CKAP2: variants seen among roughly 807,000 people sequenced by gnomAD.
CKAP2 encodes the protein cytoskeleton-associated protein 2.
CKAP2 carries 46 observed loss-of-function variants against 58.4 expected under a neutral mutation model. The ratio of observed to expected loss-of-function variants is 0.79; its 90% confidence interval spans 0.62 to 1.01. The LOEUF is 1.01. Among genes scored for constraint, CKAP2 ranks in the 50% least tolerant of loss-of-function variants. The pLI is 0.00. For synonymous variants in CKAP2, 293 were observed against 280.9 expected (o/e 1.04, Z -0.43); for missense variants, 809 against 796.4 (o/e 1.02, Z -0.19).
Position 52,474,959 on chromosome 13 carries a change from C to A in CKAP2, c.1867C>A (p.Pro623Thr). The A allele has an allele frequency of 1.2e-6, 2 of 1,613,816 alleles. No individual in the cohort carries two copies. Among genetic ancestry groups the A allele is most frequent in the Non-Finnish European group, 1.7e-6 (2 of 1,179,722 alleles). Residue 623 changes from proline to threonine, a missense_variant, in exon 9 of 9, where the codon CCA (proline) becomes ACA (threonine). Coordinates refer to ENST00000258607, the MANE Select transcript of CKAP2 (RefSeq NM_018204.5). Reference protein sequence around the residue: ...SAFKELKFLTPVRRSRRLQEK... With the variant: ...SAFKELKFLTTVRRSRRLQEK... ...ATTTAAAGAGCTGAAGTTTTTAACA[C>A]CAGTGAGACGTTCTCGACGTCTTCA...
In CKAP2 at chr13:52,461,622, A is replaced by G. The variant is rs1328059543; in HGVS notation, c.796A>G (p.Thr266Ala). ...AAGTCATCACAGTAATACCCGGGAC[A>G]CTGTGAAACAAGGCATCAGTAGAAC... The part of the protein sequence containing the change: ...IRSHHSNTRD[T>A]VKQGISRTSA... The change falls in exon 4 of 9, where the codon ACT (threonine) becomes GCT (alanine). Residue 266 changes from threonine (T) to alanine (A), a missense_variant. Physicochemically the swap from Thr to Ala is moderately conservative, Grantham distance 58. Coordinates refer to ENST00000258607, the MANE Select transcript of CKAP2 (RefSeq NM_018204.5). 4 of 1,614,184 alleles carry G rather than the reference A, an allele frequency of 2.5e-6. No individual in the cohort carries two copies. Among genetic ancestry groups the G allele is most frequent in the Non-Finnish European group, 3.4e-6 (4 of 1,180,020 alleles).
chr13:52,463,168 C>T (rs1958611012), intron 5 of CKAP2, among the ~76,000 whole-genome samples: 1 of 152,200 alleles, frequency 6.6e-6, no homozygotes, highest in Non-Finnish European at 1.5e-5. Context: ...AAACTCCTGA[C>T]CTCATGTGAT....
At chr13:52,458,542 C>CT (rs1958522184) in intron 2 of CKAP2, among the ~76,000 whole-genome samples, 1 of 152,184 alleles carries the variant, frequency 6.6e-6, no homozygotes, top group South Asian at 2.1e-4. Context: ...CTTCATGTGG[C>CT]TTAAGTACTA....
chr13:52,455,512 A>T lies in CKAP2; in HGVS notation c.-45A>T, dbSNP rs1259212690. On this transcript the variant is annotated 5_prime_UTR_variant, in exon 1 of 9. Coordinates refer to ENST00000258607, the MANE Select transcript of CKAP2 (RefSeq NM_018204.5). ...GGCGGCGGTGGTCTGAGGAAGTTCT[A>T]TCTTGGCGCTAAAGCGGAGACGCAT... is the stretch of plus-strand genomic sequence containing the variant. The T allele has an allele frequency of 6.2e-7, 1 of 1,610,436 alleles. No individual in the cohort carries two copies. The highest frequency in any genetic ancestry group is 8.5e-7 in the Non-Finnish European group (1 of 1,177,866).
At chr13:52,472,184 G>A (rs1958769450) in intron 7 of CKAP2, among the ~76,000 whole-genome samples, 2 of 152,078 alleles carry the variant, frequency 1.3e-5, no homozygotes, top group Non-Finnish European at 2.9e-5. Flanking sequence ...TAGGTTTAGT[G>A]CACCTGTTTT....
rs144426531 is a variant in CKAP2 at position 52,470,218 on chromosome 13, G to A, written c.1546+1871G>A. Among the ~76,000 whole-genome samples the A allele has an allele frequency of 5.6e-3, 856 of 151,558 alleles. 4 individuals carry two copies. The highest frequency in any genetic ancestry group is 0.02 in the African/African-American group (824 of 41,308). The stretch of plus-strand genomic sequence containing the variant: ...CCTCCTGGGTTCAAGCGATTCTCCC[G>A]CCTCAGCCTCCTGAGTAGCTGGGAT... On this transcript the variant is annotated intron_variant, in intron 7 of 8. Transcript: ENST00000258607.
Position 52,461,791 on chromosome 13 carries a change from T to TA in CKAP2, c.966dup (p.Ala323SerfsTer8). ...TCAAGATCCATAGCATCTGAAGTTA[T>TA]AGCCAGGCCTGCTTCATTGTCTAAT... On this transcript the variant is annotated frameshift_variant, in exon 4 of 9. Coordinates refer to ENST00000258607, the MANE Select transcript of CKAP2 (RefSeq NM_018204.5). LOFTEE classifies it high-confidence loss of function. 2 of 1,614,072 alleles carry TA rather than the reference T, an allele frequency of 1.2e-6. No homozygotes were observed. Among genetic ancestry groups the TA allele is most frequent in the Non-Finnish European group, 1.7e-6 (2 of 1,179,914 alleles).
chr13:52,469,601 T>A lies in CKAP2; in HGVS notation c.1546+1254T>A, dbSNP rs553814512. On this transcript the variant is annotated intron_variant, in intron 7 of 8. Transcript: ENST00000258607. ...TATTTATTTATTTATTTATTTATTT[T>A]TTTTTTGAGACGGAGTCTCGCTCTG... 7.8e-3 allele frequency among the ~76,000 whole-genome samples: 1,150 copies of A among 147,182 alleles called. 29 individuals are homozygous for A. Among genetic ancestry groups the A allele is most frequent in the African/African-American group, 0.026 (1,015 of 39,530 alleles).
chr13:52,474,090 CTT>C lies in CKAP2; in HGVS notation c.1802+9_1802+10del. On this transcript the variant is annotated splice_region_variant and intron_variant, in intron 8 of 8. Transcript: ENST00000258607. ...ACTACGCCATACTTGCAAAGGTAAA[CTT>C]TTAAAATGTACCATGATTTGTTTTC... The C allele has an allele frequency of 6.2e-7, 1 of 1,601,248 alleles. No individual in the cohort carries two copies.
Position 52,455,491 on chromosome 13 carries a change from G to A in CKAP2, c.-66G>A, listed in dbSNP as rs1392055412. 4 of 1,588,396 alleles carry A rather than the reference G, an allele frequency of 2.5e-6. No individual in the cohort carries two copies. The highest frequency in any genetic ancestry group is 2.6e-6 in the Non-Finnish European group (3 of 1,158,108). On this transcript the variant is annotated 5_prime_UTR_variant, in exon 1 of 9. Coordinates refer to ENST00000258607, the MANE Select transcript of CKAP2 (RefSeq NM_018204.5). ...CTTAGCCGCGGTGCAGACTGCGGCGGCGGTGGTCTGAGGAAGTTCTATCTT... is the reference window on the plus strand; with the variant it reads ...CTTAGCCGCGGTGCAGACTGCGGCGACGGTGGTCTGAGGAAGTTCTATCTT...
At chr13:52,462,333 A>C (rs766762840) in intron 4 of CKAP2, 30 bp from the exon 5 acceptor site, 1 of 1,573,818 alleles carries the variant, frequency 6.4e-7, no homozygotes, top group Admixed American at 2.0e-5. Context: ...GCAATTTCAA[A>C]GTAACGTTTA....
At chr13:52,471,638 C>T (rs1958762871) in intron 7 of CKAP2, among the ~76,000 whole-genome samples, 1 of 152,144 alleles carries the variant, frequency 6.6e-6, no homozygotes, top group Non-Finnish European at 1.5e-5. Flanking sequence ...AGTTCTCTGT[C>T]TTAATGAATG....
rs771592179 is a variant in CKAP2 at position 52,461,163 on chromosome 13, G to C, written c.337G>C (p.Val113Leu). The C allele has an allele frequency of 5.6e-6, 9 of 1,613,548 alleles. 1 individual carries two copies. The Admixed American group carries it at 1.3e-4, about 24-fold the overall frequency. ...KPSNELTNSTVVIDTHKPKDS... is the reference protein window; with the variant it reads ...KPSNELTNSTLVIDTHKPKDS... ...TTCAAATGAACTAACCAATTCAACTGTAGTAATTGACACACATAAACCTAA... is the reference window on the plus strand; with the variant it reads ...TTCAAATGAACTAACCAATTCAACTCTAGTAATTGACACACATAAACCTAA... Residue 113 changes from valine (V) to leucine (L), a missense_variant, in exon 4 of 9, where the codon GTA becomes CTA. Physicochemically the swap from Val to Leu is conservative, Grantham distance 32. Around this residue, in one of 3 missense-constraint regions of CKAP2, gnomAD observed 523 missense variants for 492.4 expected, o/e 1.06. Coordinates refer to ENST00000258607, the MANE Select transcript of CKAP2 (RefSeq NM_018204.5).
Position 52,465,359 on chromosome 13 carries a change from A to G in CKAP2, c.1370A>G (p.Lys457Arg). Residue 457 changes from lysine (K) to arginine (R), a missense_variant, in exon 6 of 9, where the codon AAA (lysine) becomes AGA (arginine). Around this residue, in one of 3 missense-constraint regions of CKAP2, gnomAD observed 283 missense variants for 287.6 expected, o/e 0.98. Coordinates refer to ENST00000258607, the MANE Select transcript of CKAP2 (RefSeq NM_018204.5). ...CTGATTAAAAATATTCCAGATGCCA[A>G]AAAGCTTGTTAAGTATTGGATATGT... ...NDLIKNIPDAKKLVKYWICLA... is the reference protein window; with the variant it reads ...NDLIKNIPDARKLVKYWICLA... 2 of 1,613,554 alleles carry G rather than the reference A, an allele frequency of 1.2e-6. No homozygotes were observed. Among genetic ancestry groups the G allele is most frequent in the East Asian group, 2.2e-5 (1 of 44,752 alleles).
rs1958821409 is a variant in CKAP2 at position 52,475,827 on chromosome 13, AT to A, written c.*689del. 6.6e-6 allele frequency: 1 copy of A among 152,188 alleles called. No individual in the cohort carries two copies. The highest frequency in any genetic ancestry group is 1.5e-5 in the Non-Finnish European group (1 of 68,030). 9.4% of individuals were successfully genotyped at this position (152,188 alleles called of 1,614,324 possible). On this transcript the variant is annotated 3_prime_UTR_variant, in exon 9 of 9. Transcript: ENST00000258607. ...GAAGGTTTACTTAATTAAATACCGC[AT>A]TTCTAAGAGAAGATACTTTGTGTAA...
chr13:52,462,149 A>G (rs1349829197), intron 4 of CKAP2, among the ~76,000 whole-genome samples: 3 of 152,234 alleles, frequency 2.0e-5, no homozygotes, highest in African/African-American at 7.2e-5. Flanking sequence ...CTTAATAATA[A>G]TTGGGAAATA....
chr13:52,468,043 C>T (rs1958706803), intron 6 of CKAP2, among the ~76,000 whole-genome samples: 1 of 152,096 alleles, frequency 6.6e-6, no homozygotes, highest in South Asian at 2.1e-4. Flanking sequence ...ATCTCCTGAC[C>T]TCGTGATCTG....
At chr13:52,457,778 T>C (rs944335638) in intron 2 of CKAP2, among the ~76,000 whole-genome samples, 3 of 151,824 alleles carry the variant, frequency 2.0e-5, no homozygotes, top group Non-Finnish European at 2.9e-5. Context: ...CGCTTGAACC[T>C]GGGAGATGGA....
intron 6 of CKAP2, among the ~76,000 whole-genome samples, chr13:52,467,443 G>A (rs1409572720): frequency 5.9e-5 from 9 of 152,158 alleles, no homozygotes; most frequent in Admixed American, 2.0e-4. Flanking sequence ...TAGGCCAGGC[G>A]TGGTGGCTCA....
Sources: gnomAD v4.1 joint callset for allele counts (sites outside exome capture counted in the v4.1 genomes callset) on GRCh38, gnomAD v4.1.1 for gene constraint, gnomAD v4.1.1 regional missense constraint, MANE v1.5 for transcripts, NCBI Gene and HGNC (gene_info 2026-07-23, HGNC 2026-07-21) for gene names.